P3H2: variants seen among roughly 807,000 people sequenced by gnomAD.
The protein encoded by P3H2 is prolyl 3-hydroxylase 2.
P3H2 carries 80 observed loss-of-function variants against 87.0 expected under a neutral mutation model. The ratio of observed to expected loss-of-function variants is 0.92; its 90% CI spans 0.77 to 1.11. The LOEUF is 1.11. Ranked by LOEUF, P3H2 falls within the 50% of genes least tolerant of loss-of-function variation. The probability of loss-of-function intolerance (pLI) is 0.00; values close to 1 mark genes in which losing one functional copy is unlikely to be tolerated. For synonymous variants in P3H2, 367 were observed against 359.3 expected (o/e 1.02, Z -0.24); for missense variants, 1,001 against 923.9 (o/e 1.08, Z -1.08).
intron 1 of P3H2, among the ~76,000 whole-genome samples, chr3:189,997,649 T>C (rs1259788768): frequency 6.6e-6 from 1 of 152,200 alleles, no homozygotes; most frequent in Non-Finnish European, 1.5e-5. Flanking sequence ...CAAATGTAAT[T>C]GCACATTTTT....
intron 13 of P3H2, among the ~76,000 whole-genome samples, chr3:189,965,934 T>G (rs1318751580): frequency 3.0e-5 from 4 of 135,470 alleles, no homozygotes; most frequent in Non-Finnish European, 4.6e-5. Context: ...TGCAGTGAGC[T>G]GAGATCGTGC....
chr3:190,064,678 C>G (rs575244300), intron 1 of P3H2, among the ~76,000 whole-genome samples: 16 of 152,186 alleles, frequency 1.1e-4, no homozygotes, highest in African/African-American at 2.4e-4. Flanking sequence ...ACTGAAGTAA[C>G]AGTCTAAATG....
At chr3:190,026,318 G>A (rs548857245) in intron 1 of P3H2, among the ~76,000 whole-genome samples, 6 of 152,282 alleles carry the variant, frequency 3.9e-5, no homozygotes, top group East Asian at 1.9e-4. Context: ...AGCCTGAGGC[G>A]TACTGGGCTG....
chr3:190,075,257 G>A (rs944049079), intron 1 of P3H2, among the ~76,000 whole-genome samples: 3 of 152,136 alleles, frequency 2.0e-5, no homozygotes, highest in Admixed American at 6.5e-5. Context: ...AGGCCAAGGC[G>A]GGTGGATCAC....
chr3:190,066,174 CACACATATAT>C (rs1243329634), intron 1 of P3H2, among the ~76,000 whole-genome samples: 1 of 138,106 alleles, frequency 7.2e-6, no homozygotes, highest in Admixed American at 7.2e-5. Context: ...CACACACACA[CACACATATAT>C]ACACACATAT....
intron 10 of P3H2, among the ~76,000 whole-genome samples, chr3:189,973,507 CTTTCTTTTTTTTT>C (rs1486512059): frequency 1.3e-4 from 10 of 78,976 alleles, no homozygotes; most frequent in Non-Finnish European, 1.7e-4. Flanking sequence ...TTCTTTCTTT[CTTTCTTTTTTTTT>C]TTTTTTTTTT....
Position 189,986,665 on chromosome 3 carries a change from T to C in P3H2, c.1188+123A>G, listed in dbSNP as rs867936020. 30 of 739,172 alleles carry C rather than the reference T, an allele frequency of 4.1e-5. No individual in the cohort carries two copies. In the Middle Eastern group the frequency reaches 3.2e-3, roughly 78 times the overall value. 45.8% of individuals were successfully genotyped at this position (739,172 alleles called of 1,614,324 possible). ...ATATCTCCCACCCCCAATTTTTACC[T>C]CAAGGAGGGCATCGAAATCTTAGCT... On this transcript the variant is annotated intron_variant, in intron 6 of 14. Transcript: ENST00000319332.
intron 1 of P3H2, among the ~76,000 whole-genome samples, chr3:190,065,451 A>G (rs943669784): frequency 3.9e-5 from 6 of 152,114 alleles, no homozygotes; most frequent in African/African-American, 1.4e-4. Context: ...CTTGAACTTT[A>G]TATGAGAAAT....
intron 1 of P3H2, among the ~76,000 whole-genome samples, chr3:190,094,829 A>G (rs1727519850): frequency 6.6e-6 from 1 of 152,236 alleles, no homozygotes; most frequent in Non-Finnish European, 1.5e-5. Flanking sequence ...AAAAGAAACA[A>G]GACTCAGAGG....
At chr3:189,983,447 C>T in intron 7 of P3H2, 1 of 328,442 alleles carries the variant, frequency 3.0e-6, no homozygotes, top group Non-Finnish European at 5.7e-6. Context: ...TCATGAGCAT[C>T]TTTATAATGC....
At chr3:189,983,200 A>G in intron 7 of P3H2, 60 bp from the exon 8 acceptor site, 1 of 1,263,772 alleles carries the variant, frequency 7.9e-7, no homozygotes, top group East Asian at 2.3e-5. Flanking sequence ...TTCAAAGGCA[A>G]AGAATACTTT....
At chr3:190,022,156 T>G (rs1202317143) in intron 1 of P3H2, among the ~76,000 whole-genome samples, 1 of 135,598 alleles carries the variant, frequency 7.4e-6, no homozygotes, top group Non-Finnish European at 1.6e-5. Flanking sequence ...ACCATTGATT[T>G]ATTTTTCTTA....
chr3:190,048,370 G>A (rs1445464850), intron 1 of P3H2, among the ~76,000 whole-genome samples: 1 of 152,070 alleles, frequency 6.6e-6, no homozygotes. Flanking sequence ...GGTGGCAGGT[G>A]CCTATAATCC....
intron 8 of P3H2, among the ~76,000 whole-genome samples, chr3:189,982,236 GAAGTCA>G (rs1459379815): frequency 6.6e-6 from 1 of 152,208 alleles, no homozygotes; most frequent in Non-Finnish European, 1.5e-5. Flanking sequence ...AGACTTCAGA[GAAGTCA>G]TTAAATCTTC....
intron 1 of P3H2, among the ~76,000 whole-genome samples, chr3:190,108,902 C>T (rs56904562): frequency 0.12 from 18,891 of 152,098 alleles, 1,303 homozygotes; most frequent in Middle Eastern, 0.22. Context: ...GTGTTGTACA[C>T]GTGGAATTTC....
chr3:190,046,121 T>G (rs1577293894), intron 1 of P3H2, among the ~76,000 whole-genome samples: 2 of 42,550 alleles, frequency 4.7e-5, no homozygotes, highest in African/African-American at 2.4e-4. Flanking sequence ...AGACTCCATC[T>G]CAAAAAAAAA....
chr3:189,966,810 T>C (rs904690844), intron 13 of P3H2, among the ~76,000 whole-genome samples: 13 of 152,242 alleles, frequency 8.5e-5, no homozygotes, highest in African/African-American at 3.1e-4. Flanking sequence ...CTTCCAAGTA[T>C]ACTAAGCATA....
chr3:190,019,050 T>G (rs1724854911), intron 1 of P3H2, among the ~76,000 whole-genome samples: 1 of 152,186 alleles, frequency 6.6e-6, no homozygotes, highest in East Asian at 1.9e-4. Flanking sequence ...CATATGAATA[T>G]GTTTTGACCA....
At chr3:189,985,625 TAATA>T (rs1048887491) in intron 6 of P3H2, among the ~76,000 whole-genome samples, 2 of 149,566 alleles carry the variant, frequency 1.3e-5, no homozygotes, top group African/African-American at 2.4e-5. Context: ...AATAAATTAA[TAATA>T]AATAATTTCT....
Sources: allele counts gnomAD v4.1 joint callset (sites outside exome capture counted in the v4.1 genomes callset), GRCh38; gene constraint gnomAD v4.1.1; transcripts MANE v1.5; gene names NCBI Gene and HGNC (gene_info 2026-07-23, HGNC 2026-07-21).